DAB1: variants seen among roughly 807,000 people sequenced by gnomAD.
The protein encoded by DAB1 is DAB adaptor protein 1.
DAB1 carries 15 observed loss-of-function variants against 64.6 expected under a neutral mutation model. The ratio of observed to expected loss-of-function variants is 0.23; its 90% CI spans 0.16 to 0.36. The LOEUF is 0.36. Ranked by LOEUF, DAB1 falls within the 10% of genes least tolerant of loss-of-function variation. The pLI is 1.00. For missense variants in DAB1, 596 were observed against 706.7 expected, an observed-to-expected ratio of 0.84 and a Z score of 1.78; for synonymous variants, 235 against 251.9, an observed-to-expected ratio of 0.93 and a Z score of 0.64.
chr1:58,182,285 C>A (rs1274245025), intron 4 of DAB1, among the ~76,000 whole-genome samples: 5 of 151,538 alleles, frequency 3.3e-5, no homozygotes, highest in Non-Finnish European at 1.5e-5. Flanking sequence ...GTGTGTTTAT[C>A]CTATTTGGAG....
chr1:58,118,922 A>G (rs1331017086), intron 5 of DAB1, among the ~76,000 whole-genome samples: 2 of 151,904 alleles, frequency 1.3e-5, no homozygotes, highest in Non-Finnish European at 2.9e-5. Context: ...TCTGATGGAA[A>G]TGTTCCATCC....
rs1423294388 is a variant in DAB1 at position 57,651,392 on chromosome 1, G to A, written n.552-1727C>T. ...TAGTTTTAATCAGAAATGAATGGTC[G>A]ACTCCCTGTTCAAGGGAAAAAAAGT... On this transcript the variant is annotated intron_variant and non_coding_transcript_variant, in intron 6 of 20. Coordinates refer to the DAB1 transcript ENST00000485760. Among the ~76,000 whole-genome samples, 4 of 152,018 alleles carry A rather than the reference G, an allele frequency of 2.6e-5. No homozygotes were observed. In the South Asian group the frequency reaches 6.2e-4, roughly 24 times the overall value.
At chr1:57,030,031 C>T (rs563384777) in intron 9 of DAB1, among the ~76,000 whole-genome samples, 73 of 152,028 alleles carry the variant, frequency 4.8e-4, no homozygotes, top group Non-Finnish European at 7.1e-4. Context: ...TGGCTGTGTC[C>T]CCACCCAAAT....
intron 6 of DAB1, among the ~76,000 whole-genome samples, chr1:57,715,558 A>G (rs1647074420): frequency 6.6e-6 from 1 of 152,222 alleles, no homozygotes; most frequent in African/African-American, 2.4e-5. Context: ...AGACTCCACC[A>G]AAAGACTGTT....
At chr1:57,811,308 G>A (rs918097541) in intron 6 of DAB1, among the ~76,000 whole-genome samples, 10 of 152,170 alleles carry the variant, frequency 6.6e-5, no homozygotes, top group African/African-American at 2.4e-4. Flanking sequence ...GGTTTCTCAC[G>A]AATGCTTTAA....
At chr1:58,431,246 G>A (rs1322893255) in intron 3 of DAB1, among the ~76,000 whole-genome samples, 1 of 152,050 alleles carries the variant, frequency 6.6e-6, no homozygotes, top group Admixed American at 6.6e-5. Flanking sequence ...TGATGGAAGG[G>A]AAGAAAAAGC....
At chr1:57,957,177 G>C (rs1243693090) in intron 5 of DAB1, among the ~76,000 whole-genome samples, 1 of 152,180 alleles carries the variant, frequency 6.6e-6, no homozygotes, top group East Asian at 1.9e-4. Flanking sequence ...TGGATGTCGA[G>C]GACCAGGTAA....
intron 5 of DAB1, among the ~76,000 whole-genome samples, chr1:58,064,091 A>G (rs1281378026): frequency 6.6e-6 from 1 of 152,146 alleles, no homozygotes; most frequent in East Asian, 1.9e-4. Context: ...CAGTAAAATG[A>G]GGGGCTGGGG....
intron 7 of DAB1, among the ~76,000 whole-genome samples, chr1:57,456,344 A>G (rs1686592116): frequency 6.6e-6 from 1 of 152,206 alleles, no homozygotes; most frequent in Admixed American, 6.6e-5. Context: ...ATCTCTCACC[A>G]TTAAAAGAGA....
intron 4 of DAB1, among the ~76,000 whole-genome samples, chr1:58,336,238 C>T (rs1335764936): frequency 6.6e-6 from 1 of 152,192 alleles, no homozygotes; most frequent in African/African-American, 2.4e-5. Flanking sequence ...CCAATTCCCT[C>T]AGCATGCTGG....
intron 7 of DAB1, among the ~76,000 whole-genome samples, chr1:57,642,941 G>A (rs1471213816): frequency 1.3e-5 from 2 of 152,200 alleles, no homozygotes; most frequent in East Asian, 3.9e-4. Context: ...CACCTACCAT[G>A]TGCCAGATGC....
At chr1:57,317,110 C>A (rs1675278827) in intron 1 of DAB1, among the ~76,000 whole-genome samples, 1 of 151,954 alleles carries the variant, frequency 6.6e-6, no homozygotes, top group Non-Finnish European at 1.5e-5. Flanking sequence ...TGTGAGCCAC[C>A]CTATCAGGAG....
At chr1:57,041,049 G>A (rs1647716119) in intron 9 of DAB1, among the ~76,000 whole-genome samples, 1 of 152,178 alleles carries the variant, frequency 6.6e-6, no homozygotes, top group Non-Finnish European at 1.5e-5. Context: ...AGTAGCACAG[G>A]CTCAGGCTGA....
intron 3 of DAB1, among the ~76,000 whole-genome samples, chr1:58,492,763 G>A (rs1645720571): frequency 2.0e-5 from 3 of 152,084 alleles, no homozygotes; most frequent in Non-Finnish European, 4.4e-5. Context: ...CTGAAATTGG[G>A]GCAATAATTA....
At chr1:58,290,836 CAG>C (rs1372028643) in intron 4 of DAB1, among the ~76,000 whole-genome samples, 2 of 152,146 alleles carry the variant, frequency 1.3e-5, no homozygotes, top group East Asian at 1.9e-4. Context: ...GCTGCCACTG[CAG>C]AGTTAGAACC....
At chr1:57,432,684 C>G (rs1318904680) in intron 7 of DAB1, among the ~76,000 whole-genome samples, 1 of 152,264 alleles carries the variant, frequency 6.6e-6, no homozygotes, top group South Asian at 2.1e-4. Flanking sequence ...CCAGATTTTT[C>G]TGTTATATGA....
chr1:58,157,916 G>C (rs1655305355), intron 4 of DAB1, among the ~76,000 whole-genome samples: 1 of 152,150 alleles, frequency 6.6e-6, no homozygotes, highest in Non-Finnish European at 1.5e-5. Context: ...GATGAACAAG[G>C]AACAAATTTA....
intron 2 of DAB1, among the ~76,000 whole-genome samples, chr1:57,203,643 G>A (rs1665288693): frequency 6.6e-6 from 1 of 152,188 alleles, no homozygotes; most frequent in Non-Finnish European, 1.5e-5. Context: ...TGAAAGTGGA[G>A]AACAGGTTCA....
At chr1:57,283,234 G>A (rs1298357100) in intron 2 of DAB1, among the ~76,000 whole-genome samples, 1 of 152,188 alleles carries the variant, frequency 6.6e-6, no homozygotes, top group Admixed American at 6.5e-5. Context: ...TTTGTAGCTT[G>A]ACAACATGGT....
Sources: gnomAD v4.1 joint callset for allele counts (sites outside exome capture counted in the v4.1 genomes callset) on GRCh38, gnomAD v4.1.1 for gene constraint, MANE v1.5 for transcripts, NCBI Gene and HGNC (gene_info 2026-07-23, HGNC 2026-07-21) for gene names.